The following NEBL variants were observed in gnomAD, a reference collection of about 807,000 sequenced individuals.
The protein encoded by NEBL is LIM and SH3 protein 2.
Under a neutral mutation model 140.2 loss-of-function variants are expected in NEBL, and 122 were observed. That is an observed-to-expected ratio of 0.87 (90% CI 0.75 to 1.01). The LOEUF is 1.01. Among genes scored for constraint, NEBL ranks in the 50% least tolerant of loss-of-function variants. The pLI is 0.00. For missense variants in NEBL, 1,365 were observed against 1,231.3 expected (o/e 1.11, Z -1.62); for synonymous variants, 436 against 398.9 (o/e 1.09, Z -1.11).
chr10:20,785,835 G>T lies in NEBL; in HGVS notation c.2957C>A (p.Pro986His). 6.2e-7 allele frequency: 1 copy of T among 1,613,986 alleles called. No homozygotes were observed. Among genetic ancestry groups the T allele is most frequent in the Non-Finnish European group, 8.5e-7 (1 of 1,179,946 alleles). ...RDGDYIVNVQ[P>H]IDDGWMYGTV... is the part of the protein sequence containing the mutation. ...GCCGTACATCCAGCCATCGTCAATA[G>T]GCTGCACGTTGACGATGTAGTCGCC... The change falls in exon 28 of 28, where the codon CCT becomes CAT. Residue 986 changes from proline to histidine, a missense_variant. Physicochemically the swap from Pro to His is moderately conservative, Grantham distance 77. This residue lies in a region of NEBL where 42 missense variants were observed against 76.5 expected (regional missense o/e 0.55). Coordinates refer to ENST00000377122, the MANE Select transcript of NEBL (RefSeq NM_006393.3).
intron 3 of NEBL, among the ~76,000 whole-genome samples, chr10:21,009,160 T>C (rs940460149): frequency 1.3e-5 from 2 of 152,182 alleles, no homozygotes; most frequent in Non-Finnish European, 2.9e-5. Context: ...ATTAAAGCCA[T>C]TCTAGAGGTT....
chr10:20,878,635 A>C (rs1466683871), intron 5 of NEBL, among the ~76,000 whole-genome samples: 1 of 152,216 alleles, frequency 6.6e-6, no homozygotes, highest in Non-Finnish European at 1.5e-5. Flanking sequence ...AGGAATATCA[A>C]CTACTTCACA....
At chr10:21,088,247 T>C (rs932543535) in intron 2 of NEBL, among the ~76,000 whole-genome samples, 20 of 152,208 alleles carry the variant, frequency 1.3e-4, no homozygotes, top group Non-Finnish European at 2.9e-5. Flanking sequence ...ACACCTGTAG[T>C]TCCAACACTT....
chr10:20,857,851 A>T (rs1191508779), intron 9 of NEBL, among the ~76,000 whole-genome samples: 2 of 152,300 alleles, frequency 1.3e-5, no homozygotes, highest in East Asian at 3.9e-4. Flanking sequence ...ACAATTTTTC[A>T]TGCTACTGAA....
chr10:20,930,426 T>C (rs768156540), intron 4 of NEBL, among the ~76,000 whole-genome samples: 1 of 152,248 alleles, frequency 6.6e-6, no homozygotes, highest in Non-Finnish European at 1.5e-5. Flanking sequence ...TCTGTGTACA[T>C]TCTTGCACCA....
At chr10:20,943,406 C>T (rs1471460194) in intron 4 of NEBL, among the ~76,000 whole-genome samples, 2 of 152,168 alleles carry the variant, frequency 1.3e-5, no homozygotes, top group Non-Finnish European at 2.9e-5. Flanking sequence ...CACATGGACA[C>T]AGGAAGGGGA....
intron 2 of NEBL, chr10:21,020,284 C>T (rs1007118027): frequency 4.1e-6 from 5 of 1,205,172 alleles, no homozygotes; most frequent in African/African-American, 1.5e-5. Flanking sequence ...TTGCACATCC[C>T]CCCTTTTCCC....
chr10:20,801,430 C>T (rs1031888124), intron 26 of NEBL, among the ~76,000 whole-genome samples: 2 of 152,020 alleles, frequency 1.3e-5, no homozygotes, highest in African/African-American at 4.8e-5. Flanking sequence ...CTCCTGACCT[C>T]AAGTAACCTG....
intron 1 of NEBL, among the ~76,000 whole-genome samples, chr10:21,270,145 T>C (rs533124988): frequency 6.6e-6 from 1 of 152,308 alleles, no homozygotes; most frequent in African/African-American, 2.4e-5. Flanking sequence ...TGGCATCATC[T>C]GGTGGACATA....
Position 20,888,957 on chromosome 10 carries a change from G to A in NEBL, c.259-750C>T, listed in dbSNP as rs372003401. Among the ~76,000 whole-genome samples, 19 of 152,280 alleles carry A rather than the reference G, an allele frequency of 1.2e-4. No homozygotes were observed. The East Asian group carries it at 3.5e-3, about 28-fold the overall frequency. Reference sequence around the variant, plus strand: ...CTGCTCAGAGCTAGATTTCAGTATTGATTTATTGAGCACAGATCCTGTGCT... The same window carrying A: ...CTGCTCAGAGCTAGATTTCAGTATTAATTTATTGAGCACAGATCCTGTGCT... On this transcript the variant is annotated intron_variant, in intron 3 of 27. Coordinates refer to ENST00000377122, the MANE Select transcript of NEBL (RefSeq NM_006393.3).
At chr10:20,846,097 C>T (rs879584931) in intron 11 of NEBL, among the ~76,000 whole-genome samples, 11 of 152,164 alleles carry the variant, frequency 7.2e-5, no homozygotes, top group Non-Finnish European at 1.5e-4. Flanking sequence ...CACTGAGCCA[C>T]TCTTTGGCTA....
chr10:21,149,791 AGCCCTCAACCTGTGGGATCTG>A (rs1367769923), intron 2 of NEBL, among the ~76,000 whole-genome samples: 1 of 152,190 alleles, frequency 6.6e-6, no homozygotes, highest in African/African-American at 2.4e-5. Context: ...TGTAGGACTG[AGCCCTCAACCTGTGGGATCTG>A]GTGCTATGTC....
At chr10:21,240,176 T>G (rs543321702) in intron 3 of NEBL, among the ~76,000 whole-genome samples, 4 of 152,216 alleles carry the variant, frequency 2.6e-5, no homozygotes, top group Admixed American at 2.6e-4. Flanking sequence ...ACCAGCTAAG[T>G]TACCGACAAA....
chr10:21,030,185 G>C (rs1833719631), intron 2 of NEBL: 1 of 490,428 alleles, frequency 2.0e-6, no homozygotes, highest in African/African-American at 2.0e-5. Context: ...TCAGCTGGAT[G>C]AGGCAAAACT....
chr10:20,823,149 T>G (rs1216393036), intron 19 of NEBL, 59 bp downstream of exon 19: 2 of 1,251,870 alleles, frequency 1.6e-6, no homozygotes, highest in African/African-American at 3.0e-5. Context: ...GGTTTTATGC[T>G]GTCATTACGT....
rs181748956 is a variant in NEBL at position 20,848,582 on chromosome 10, G to A, written c.1116+1813C>T. On this transcript the variant is annotated intron_variant, in intron 11 of 27. Transcript: ENST00000377122. The stretch of plus-strand genomic sequence containing the variant: ...GAGCTCTGCCTCCTGTCAGATCAGC[G>A]GTGGCATTAGATTCTCATAGAAGCA... Among the ~76,000 whole-genome samples, 10 of 152,144 alleles carry A rather than the reference G, an allele frequency of 6.6e-5. 1 individual carries two copies. The highest frequency in any genetic ancestry group is 5.8e-4 in the East Asian group (3 of 5,166).
chr10:21,192,127 C>T (rs1281728335), intron 3 of NEBL, among the ~76,000 whole-genome samples: 1 of 152,104 alleles, frequency 6.6e-6, no homozygotes, highest in Admixed American at 6.6e-5. Flanking sequence ...CTCTTCTAGG[C>T]AATGCAATTT....
At chr10:20,899,680 T>C (rs1847765250), upstream of NEBL, 1 of 308,508 alleles carries the variant, frequency 3.2e-6, no homozygotes, top group African/African-American at 2.2e-5. Context: ...AATGAAGCAC[T>C]AGGATCAGAA....
At chr10:20,856,510 C>A (rs1300112392) in intron 9 of NEBL, among the ~76,000 whole-genome samples, 1 of 151,784 alleles carries the variant, frequency 6.6e-6, no homozygotes, top group Non-Finnish European at 1.5e-5. Context: ...AAACTGGATG[C>A]CAAAGAATGA....
Sources: allele counts gnomAD v4.1 joint callset (sites outside exome capture counted in the v4.1 genomes callset), GRCh38; gene constraint gnomAD v4.1.1; regional missense constraint gnomAD v4.1.1; transcripts MANE v1.5; gene names NCBI Gene and HGNC (gene_info 2026-07-23, HGNC 2026-07-21).